The following SNX29 variants were observed in gnomAD, a reference collection of about 807,000 sequenced individuals.
SNX29 encodes the protein sorting nexin-29.
Under a neutral mutation model 102.1 loss-of-function variants are expected in SNX29, and 78 were observed. The ratio of observed to expected loss-of-function variants is 0.76; its 90% confidence interval spans 0.64 to 0.92. The LOEUF (loss-of-function observed/expected upper bound fraction) is 0.92, where lower values mean the gene tolerates loss of function less well. SNX29 is among the 40% of genes least tolerant of loss of function. SNX29 has a pLI of 0.00. For missense variants in SNX29, 1,280 were observed against 1,061.7 expected, an observed-to-expected ratio of 1.21 and a Z score of -2.86; for synonymous variants, 580 against 414.5, an observed-to-expected ratio of 1.40 and a Z score of -4.85.
At chr16:12,471,572 T>C (rs1473996325) in intron 18 of SNX29, among the ~76,000 whole-genome samples, 1 of 152,200 alleles carries the variant, frequency 6.6e-6, no homozygotes, top group Non-Finnish European at 1.5e-5. Context: ...CAGGTCCACG[T>C]GGATGTGTAC....
chr16:12,138,206 C>CTT lies in SNX29; in HGVS notation c.1595+8466_1595+8467dup, dbSNP rs58229550. 5.2e-3 allele frequency among the ~76,000 whole-genome samples: 643 copies of CTT among 122,982 alleles called. 16 individuals carry two copies. The highest frequency in any genetic ancestry group is 0.016 in the African/African-American group (500 of 32,088). The allele number at this position is 122,982 out of a possible 152,430, so 80.7% of individuals were successfully genotyped here. A position where few individuals can be genotyped will look rare whatever the true frequency, so the allele number is the denominator to read the frequency against. On this transcript the variant is annotated intron_variant, in intron 13 of 20. Coordinates refer to ENST00000566228, the MANE Select transcript of SNX29 (RefSeq NM_032167.5). ...ACTGAAAAAAAAAGAATTTGTCACT[C>CTT]TTTTTTTTTTTTTTTTTTTGAGGTG...
chr16:12,242,660 CTT>C (rs1182673798), intron 14 of SNX29, among the ~76,000 whole-genome samples: 1 of 143,312 alleles, frequency 7.0e-6, no homozygotes. Context: ...CTTCTCTTCT[CTT>C]TTTTTTTTTG....
intron 13 of SNX29, among the ~76,000 whole-genome samples, chr16:12,183,732 A>T (rs371303964): frequency 6.6e-6 from 1 of 152,232 alleles, no homozygotes; most frequent in Non-Finnish European, 1.5e-5. Flanking sequence ...AAGGCATTCT[A>T]AGTCACTGGA....
intron 15 of SNX29, among the ~76,000 whole-genome samples, chr16:12,285,046 G>T (rs2079547794): frequency 6.6e-6 from 1 of 152,168 alleles, no homozygotes; most frequent in South Asian, 2.1e-4. Flanking sequence ...ACTTTTCTGA[G>T]CCTGATTTCC....
chr16:12,471,477 T>A (rs57122325), intron 18 of SNX29, among the ~76,000 whole-genome samples: 7 of 152,072 alleles, frequency 4.6e-5, no homozygotes, highest in African/African-American at 1.7e-4. Flanking sequence ...TGGCAAGGGG[T>A]GCAGCTGGAA....
chr16:12,029,405 T>C (rs1372570351), intron 4 of SNX29, among the ~76,000 whole-genome samples: 2 of 140,254 alleles, frequency 1.4e-5, no homozygotes, highest in Non-Finnish European at 3.2e-5. Context: ...AAAGCAAAAA[T>C]TAATGAAAAG....
At chr16:12,190,494 G>A (rs1373906526) in intron 13 of SNX29, among the ~76,000 whole-genome samples, 1 of 152,188 alleles carries the variant, frequency 6.6e-6, no homozygotes, top group African/African-American at 2.4e-5. Context: ...ATGTGGTGGA[G>A]GCAGGGTTGG....
At chr16:12,109,148 A>AG (rs1567213773) in intron 11 of SNX29, among the ~76,000 whole-genome samples, 1 of 148,244 alleles carries the variant, frequency 6.7e-6, no homozygotes, top group Non-Finnish European at 1.5e-5. Context: ...AAAAAAAAAA[A>AG]AAAAAAAGAA....
chr16:12,328,609 C>T (rs1157885580), intron 15 of SNX29, among the ~76,000 whole-genome samples: 1 of 152,156 alleles, frequency 6.6e-6, no homozygotes, highest in Non-Finnish European at 1.5e-5. Context: ...TCTGACTTCT[C>T]GGTCAGCTCC....
At chr16:12,131,771 T>C (rs2054477496) in intron 13 of SNX29, among the ~76,000 whole-genome samples, 1 of 152,244 alleles carries the variant, frequency 6.6e-6, no homozygotes, top group Non-Finnish European at 1.5e-5. Context: ...CTCTCTGTGC[T>C]GTTAGATGCT....
chr16:12,018,527 G>T (rs565495726), intron 3 of SNX29, among the ~76,000 whole-genome samples: 1 of 151,274 alleles, frequency 6.6e-6, no homozygotes, highest in Non-Finnish European at 1.5e-5. Context: ...AGGTTGCAGT[G>T]AGCCGAGATC....
chr16:12,078,542 A>G (rs1029173500), intron 10 of SNX29, among the ~76,000 whole-genome samples: 7 of 152,208 alleles, frequency 4.6e-5, no homozygotes, highest in Admixed American at 3.9e-4. Flanking sequence ...GTTCGACTTC[A>G]GCTGAGATTA....
chr16:12,517,015 C>T lies in SNX29; in HGVS notation c.2179-7687C>T, dbSNP rs965354869. Among the ~76,000 whole-genome samples, 3 of 152,282 alleles carry T rather than the reference C, an allele frequency of 2.0e-5. No homozygotes were observed. In the South Asian group the frequency reaches 6.2e-4, roughly 32 times the overall value. On this transcript the variant is annotated intron_variant, in intron 19 of 20. Coordinates refer to ENST00000566228, the MANE Select transcript of SNX29 (RefSeq NM_032167.5). ...CTTTTCTGGAGGGAAGAAAAATATT[C>T]CTATTAAAATTGTCTCGAGTGTTCT...
At position 12,304,329 on chromosome 16, in the gene SNX29, A is replaced by G. The variant is rs116774577; in HGVS notation, c.1782+26293A>G. Among the ~76,000 whole-genome samples, 1,414 of 152,276 alleles carry G rather than the reference A, an allele frequency of 9.3e-3. 18 individuals carry two copies. The highest frequency in any genetic ancestry group is 0.032 in the African/African-American group (1,318 of 41,548). ...TGTTGCACTCCCAGGCTGGAGCGCA[A>G]TGGCGAGATCTTGGCTCACTGCAGC... On this transcript the variant is annotated intron_variant, in intron 15 of 20. Coordinates refer to ENST00000566228, the MANE Select transcript of SNX29 (RefSeq NM_032167.5).
At position 12,325,457 on chromosome 16, in the gene SNX29, G is replaced by A. The variant is rs543983619; in HGVS notation, c.1783-30706G>A. 7.9e-5 allele frequency among the ~76,000 whole-genome samples: 12 copies of A among 152,222 alleles called. No homozygotes were observed. The South Asian group carries it at 2.3e-3, about 29-fold the overall frequency. ...TAGGGAAAACCTAATTAACAATAAT[G>A]GGAAAAAACTACATTTAAGTAATAT... On this transcript the variant is annotated intron_variant, in intron 15 of 20. Transcript: ENST00000566228.
At chr16:12,303,008 C>G (rs968613543) in intron 15 of SNX29, among the ~76,000 whole-genome samples, 1 of 152,168 alleles carries the variant, frequency 6.6e-6, no homozygotes, top group Non-Finnish European at 1.5e-5. Context: ...GTCATGTGAT[C>G]TGGCTATGTG....
In SNX29 at chr16:12,572,065, G is replaced by C. The variant is rs553217396; in HGVS notation, c.*3436G>C. On this transcript the variant is annotated 3_prime_UTR_variant, in exon 21 of 21. Coordinates refer to ENST00000566228, the MANE Select transcript of SNX29 (RefSeq NM_032167.5). ...GAGTTGTAAACAAGGGAACCATCTT[G>C]CAAGATCTAGGAAGAGGAAGGGGAG... 47 of 1,063,530 alleles carry C rather than the reference G, an allele frequency of 4.4e-5. No individual in the cohort carries two copies. The highest frequency in any genetic ancestry group is 3.7e-4 in the Admixed American group (7 of 18,684). The allele number at this position is 1,063,530 out of a possible 1,614,324, so 65.9% of individuals were successfully genotyped here. A position where few individuals can be genotyped will look rare whatever the true frequency, so the allele number is the denominator to read the frequency against.
chr16:12,532,974 C>T (rs1412116266), intron 20 of SNX29, among the ~76,000 whole-genome samples: 1 of 152,228 alleles, frequency 6.6e-6, no homozygotes, highest in East Asian at 1.9e-4. Flanking sequence ...GGTGGCGCAG[C>T]ACGGCTGTGG....
chr16:12,424,293 G>T (rs892512252), intron 18 of SNX29, among the ~76,000 whole-genome samples: 2 of 152,146 alleles, frequency 1.3e-5, no homozygotes, highest in African/African-American at 4.8e-5. Context: ...TGACCAGGAG[G>T]CCCCATGGTC....
Sources: allele counts gnomAD v4.1 joint callset (sites outside exome capture counted in the v4.1 genomes callset), GRCh38; gene constraint gnomAD v4.1.1; transcripts MANE v1.5; gene names NCBI Gene and HGNC (gene_info 2026-07-23, HGNC 2026-07-21).